The following KANK1 variants were observed in gnomAD, a reference collection of about 807,000 sequenced individuals.
The protein encoded by KANK1 is KN motif and ankyrin repeat domain-containing protein 1.
In KANK1, 109 loss-of-function variants were observed where a neutral mutation model predicts 106.2. The observed-to-expected ratio is 1.03, with a 90% CI of 0.88 to 1.20. KANK1 has a LOEUF of 1.20. Ranked by LOEUF, KANK1 falls within the 50% of genes most tolerant of loss-of-function variation. KANK1 has a pLI of 0.00. For missense variants in KANK1, 2,399 were observed against 1,710.7 expected (o/e 1.40, Z -7.10); for synonymous variants, 873 against 652.2 (o/e 1.34, Z -5.16).
chr9:562,042 C>CTTTTTTTTTTTTTT (rs34419752), intron 1 of KANK1, among the ~76,000 whole-genome samples: 2 of 104,924 alleles, frequency 1.9e-5, no homozygotes, highest in Non-Finnish European at 1.8e-5. Flanking sequence ...ATTGCATTTT[C>CTTTTTTTTTTTTTT]TTTTTTTTTT....
At chr9:732,938 T>G (rs545828340) in intron 6 of KANK1, 3 of 198,886 alleles carry the variant, frequency 1.5e-5, no homozygotes, top group Non-Finnish European at 3.1e-5. Context: ...TTTTAATTTT[T>G]TGGTGGCCAG....
intron 3 of KANK1, among the ~76,000 whole-genome samples, chr9:477,571 G>A (rs752235143): frequency 1.3e-5 from 2 of 152,150 alleles, no homozygotes; most frequent in Non-Finnish European, 2.9e-5. Context: ...GGGAAGAAAA[G>A]ATAGAGATTA....
intron 2 of KANK1, among the ~76,000 whole-genome samples, chr9:687,358 C>T (rs757342776): frequency 1.3e-5 from 2 of 152,174 alleles, no homozygotes; most frequent in African/African-American, 4.8e-5. Context: ...TCTCCCCAAA[C>T]ATTTTCACTT....
At chr9:490,123 G>C (rs1271625834) in intron 3 of KANK1, among the ~76,000 whole-genome samples, 5 of 152,286 alleles carry the variant, frequency 3.3e-5, no homozygotes, top group Middle Eastern at 3.4e-3. Flanking sequence ...TCCTGACCAG[G>C]TTTTTCTGAC....
In KANK1 at chr9:711,663, G is replaced by A. The variant is rs750267413; in HGVS notation, c.897G>A (p.Arg299=). Residue 299 remains arginine (R), a synonymous_variant, in exon 3 of 12, where the codon AGG becomes AGA. Coordinates refer to ENST00000382297, the MANE Select transcript of KANK1 (RefSeq NM_015158.5). ...TCTCTGTCTTGCAAGAAGAGAAAAGGCAGTTGGTCTCACAGCTGAAAAACC... is the reference window on the plus strand; with the variant it reads ...TCTCTGTCTTGCAAGAAGAGAAAAGACAGTTGGTCTCACAGCTGAAAAACC... ...VKISVLQEEK[R]QLVSQLKNQR... 1 of 1,614,198 alleles carries A rather than the reference G, an allele frequency of 6.2e-7. No individual in the cohort carries two copies. Among genetic ancestry groups the A allele is most frequent in the Admixed American group, 1.7e-5 (1 of 60,018 alleles).
chr9:491,267 T>C (rs887185015), intron 3 of KANK1, among the ~76,000 whole-genome samples: 1 of 147,748 alleles, frequency 6.8e-6, no homozygotes, highest in African/African-American at 2.5e-5. Context: ...ACTCCTGGAG[T>C]GCATTTTCTT....
chr9:659,411 G>C (rs1842825485), intron 1 of KANK1, among the ~76,000 whole-genome samples: 1 of 152,144 alleles, frequency 6.6e-6, no homozygotes, highest in African/African-American at 2.4e-5. Flanking sequence ...CAGAGTTCCT[G>C]CTTCAGTAGG....
chr9:719,942 G>T lies in KANK1; in HGVS notation c.2698+6478G>T, dbSNP rs548579708. On this transcript the variant is annotated intron_variant, in intron 3 of 11. Coordinates refer to ENST00000382297, the MANE Select transcript of KANK1 (RefSeq NM_015158.5). ...TGCTTTTAACATTCCTTTATGTCAA[G>T]GACATAAAGTTTTCATTTTAAGTGG... 7.2e-5 allele frequency among the ~76,000 whole-genome samples: 11 copies of T among 152,234 alleles called. 1 individual carries two copies. The highest frequency in any genetic ancestry group is 2.6e-4 in the African/African-American group (11 of 41,542).
intron 7 of KANK1, chr9:735,837 T>C (rs541324802): frequency 6.1e-5 from 21 of 344,296 alleles, no homozygotes; most frequent in South Asian, 4.3e-4. Context: ...CTACTAAAAA[T>C]ACAAAAAGTT....
intron 1 of KANK1, among the ~76,000 whole-genome samples, chr9:622,070 T>C (rs553349293): frequency 8.5e-5 from 13 of 152,324 alleles, no homozygotes; most frequent in African/African-American, 2.4e-4. Flanking sequence ...CAGTCTACTT[T>C]TAGAGCTTTT....
intron 1 of KANK1, among the ~76,000 whole-genome samples, chr9:558,575 C>G (rs1465411512): frequency 3.9e-5 from 6 of 152,086 alleles, no homozygotes; most frequent in Non-Finnish European, 1.5e-5. Context: ...GCCAATGCGT[C>G]TCTTCTTCCT....
chr9:526,757 T>C (rs1206810579), intron 1 of KANK1, among the ~76,000 whole-genome samples: 2 of 151,660 alleles, frequency 1.3e-5, no homozygotes, highest in African/African-American at 4.9e-5. Context: ...AATGCTGATA[T>C]TTGACTGCTT....
intron 1 of KANK1, among the ~76,000 whole-genome samples, chr9:661,789 G>C (rs1843376955): frequency 6.6e-6 from 1 of 152,082 alleles, no homozygotes. Context: ...AGCACCTGTT[G>C]TTCCCTGACA....
At chr9:580,359 G>T (rs1423176868) in intron 1 of KANK1, among the ~76,000 whole-genome samples, 1 of 152,176 alleles carries the variant, frequency 6.6e-6, no homozygotes, top group Non-Finnish European at 1.5e-5. Flanking sequence ...AAGAGTGAAA[G>T]AACAAAGCTT....
At chr9:510,729 C>T (rs996629893) in intron 1 of KANK1, among the ~76,000 whole-genome samples, 2 of 152,136 alleles carry the variant, frequency 1.3e-5, no homozygotes, top group African/African-American at 4.8e-5. Context: ...GAAAAAAGTA[C>T]TTGGAGGATT....
intron 1 of KANK1, among the ~76,000 whole-genome samples, chr9:619,795 T>C (rs1345021147): frequency 6.6e-6 from 1 of 152,124 alleles, no homozygotes; most frequent in Non-Finnish European, 1.5e-5. Flanking sequence ...TTAAACAGGC[T>C]CTTCCACTGG....
At chr9:650,851 A>G (rs760091687) in intron 1 of KANK1, among the ~76,000 whole-genome samples, 1 of 152,172 alleles carries the variant, frequency 6.6e-6, no homozygotes, top group African/African-American at 2.4e-5. Flanking sequence ...TTTTACATCT[A>G]TTAAAGGCTA....
chr9:559,526 G>C (rs1194549263), intron 1 of KANK1, among the ~76,000 whole-genome samples: 1 of 152,256 alleles, frequency 6.6e-6, no homozygotes, highest in African/African-American at 2.4e-5. Flanking sequence ...ACTTAAAAAA[G>C]TCTTGCAGAG....
intron 1 of KANK1, among the ~76,000 whole-genome samples, chr9:580,578 CAG>C (rs1821817477): frequency 6.6e-6 from 1 of 152,212 alleles, no homozygotes; most frequent in Non-Finnish European, 1.5e-5. Context: ...CAGCTAGACA[CAG>C]AGCACTGACT....
Sources: allele counts gnomAD v4.1 joint callset (sites outside exome capture counted in the v4.1 genomes callset), GRCh38; gene constraint gnomAD v4.1.1; transcripts MANE v1.5; gene names NCBI Gene and HGNC (gene_info 2026-07-23, HGNC 2026-07-21).